The following PRRG1 variants were observed in gnomAD, a reference collection of about 807,000 sequenced individuals.
The protein encoded by PRRG1 is transmembrane gamma-carboxyglutamic acid protein 1.
Under a neutral mutation model 11.8 loss-of-function variants are expected in PRRG1, and 5 were observed. The ratio of observed to expected loss-of-function variants is 0.42; its 90% confidence interval spans 0.22 to 0.89. The LOEUF is 0.89. PRRG1 is among the 40% of genes least tolerant of loss of function. The probability of loss-of-function intolerance (pLI) is 0.28; values close to 1 mark genes in which losing one functional copy is unlikely to be tolerated. For missense variants in PRRG1, 155 were observed against 166.1 expected (o/e 0.93, Z 0.37); for synonymous variants, 66 against 60.4 (o/e 1.09, Z -0.43).
intron 1 of PRRG1, among the ~76,000 whole-genome samples, chrX:37,384,868 T>C (rs1283659850): frequency 9.0e-6 from 1 of 111,585 alleles, no homozygotes; most frequent in Non-Finnish European, 1.9e-5. Flanking sequence ...ACAACCACAT[T>C]GGAAAACTGT....
intron 3 of PRRG1, among the ~76,000 whole-genome samples, chrX:37,432,227 A>G (rs1412485392): frequency 9.1e-6 from 1 of 110,169 alleles, no homozygotes; most frequent in Non-Finnish European, 1.9e-5. Context: ...AGCTGGGACT[A>G]CAGACGCCTG....
chrX:37,365,572 A>G (rs1156385477), intron 1 of PRRG1, among the ~76,000 whole-genome samples: 3 of 112,086 alleles, frequency 2.7e-5, no homozygotes, highest in Non-Finnish European at 5.6e-5. Flanking sequence ...GTCTGTCCAT[A>G]TCTGCATTTA....
chrX:37,429,209 C>T (rs1333774377), intron 3 of PRRG1, among the ~76,000 whole-genome samples: 1 of 112,315 alleles, frequency 8.9e-6, no homozygotes, highest in African/African-American at 3.2e-5. Context: ...GATTAACATT[C>T]GGCTCCTTGT....
intron 1 of PRRG1, among the ~76,000 whole-genome samples, chrX:37,402,866 A>G (rs1281707120): frequency 1.8e-5 from 2 of 112,021 alleles, no homozygotes; most frequent in African/African-American, 3.2e-5. Flanking sequence ...GCAGCCAAAA[A>G]ACACATGAAA....
intron 1 of PRRG1, among the ~76,000 whole-genome samples, chrX:37,405,969 C>T (rs1186975367): frequency 9.0e-6 from 1 of 111,597 alleles, no homozygotes; most frequent in Non-Finnish European, 1.9e-5. Context: ...GAAACTAGTA[C>T]CAGATAAAGA....
chrX:37,448,808 T>G (rs1303554498), intron 3 of PRRG1, among the ~76,000 whole-genome samples: 5 of 111,630 alleles, frequency 4.5e-5, no homozygotes, highest in African/African-American at 1.3e-4. Flanking sequence ...TTAAGATACT[T>G]TTTAAAGAGC....
intron 1 of PRRG1, among the ~76,000 whole-genome samples, chrX:37,390,833 G>C (rs781790903): frequency 8.9e-6 from 1 of 112,104 alleles, no homozygotes; most frequent in Non-Finnish European, 1.9e-5. Flanking sequence ...TTCAGGCATG[G>C]ATAAAAACTG....
intron 3 of PRRG1, among the ~76,000 whole-genome samples, chrX:37,442,545 C>A (rs782583733): frequency 9.0e-6 from 1 of 111,145 alleles, no homozygotes; most frequent in East Asian, 2.8e-4. Flanking sequence ...GGTGCATGTA[C>A]ATGGTACAGT....
intron 1 of PRRG1, among the ~76,000 whole-genome samples, chrX:37,363,633 C>T (rs1250897589): frequency 2.7e-5 from 3 of 112,127 alleles, no homozygotes; most frequent in African/African-American, 9.7e-5. Flanking sequence ...AGCCATTGAT[C>T]CAGTTGTCTA....
At chrX:37,428,237 C>A (rs1365663236) in intron 3 of PRRG1, among the ~76,000 whole-genome samples, 5 of 111,140 alleles carry the variant, frequency 4.5e-5, no homozygotes, top group Non-Finnish European at 1.9e-5. Flanking sequence ...TCATGCCTTC[C>A]CAACAGTCCC....
chrX:37,433,645 T>C (rs1298522344), intron 3 of PRRG1, among the ~76,000 whole-genome samples: 3 of 111,551 alleles, frequency 2.7e-5, no homozygotes, highest in Non-Finnish European at 3.8e-5. Flanking sequence ...TCATCTGTTT[T>C]GTTCATAGCT....
intron 1 of PRRG1, among the ~76,000 whole-genome samples, chrX:37,399,019 A>G (rs1292113393): frequency 1.8e-5 from 2 of 112,341 alleles, no homozygotes; most frequent in Non-Finnish European, 3.8e-5. Context: ...TGTACCTGAA[A>G]GTGACGAGGA....
At chrX:37,437,024 G>A (rs1193231224) in intron 3 of PRRG1, among the ~76,000 whole-genome samples, 1 of 112,209 alleles carries the variant, frequency 8.9e-6, no homozygotes, top group East Asian at 2.8e-4. Context: ...TGTGCAACTG[G>A]TATTCTGAGC....
Position 37,391,975 on chromosome X carries a change from G to A in PRRG1, c.-41-14234G>A, listed in dbSNP as rs190709124. ...TCTCTGTTTCAATGATACTTACACT[G>A]GGCTTCCTTGTTTTTTTTTTTTGAC... On this transcript the variant is annotated intron_variant, in intron 1 of 3. Coordinates refer to ENST00000378628, the MANE Select transcript of PRRG1 (RefSeq NM_001142395.2). Among the ~76,000 whole-genome samples, 446 of 110,267 alleles carry A rather than the reference G, an allele frequency of 4.0e-3. 2 individuals carry two copies. The highest frequency in any genetic ancestry group is 6.4e-3 in the Non-Finnish European group (339 of 52,751).
chrX:37,408,455 C>T (rs1932253559), intron 2 of PRRG1, among the ~76,000 whole-genome samples: 1 of 111,224 alleles, frequency 9.0e-6, no homozygotes, highest in Non-Finnish European at 1.9e-5. Context: ...TTTTAATGTG[C>T]AAATGTATCC....
intron 3 of PRRG1, among the ~76,000 whole-genome samples, chrX:37,448,272 T>G (rs1920995375): frequency 8.9e-6 from 1 of 112,197 alleles, no homozygotes; most frequent in African/African-American, 3.2e-5. Flanking sequence ...TTAAGTACCC[T>G]TTAGAGGTTT....
chrX:37,414,249 A>G (rs924517407), intron 2 of PRRG1, among the ~76,000 whole-genome samples: 10 of 110,859 alleles, frequency 9.0e-5, no homozygotes, highest in Non-Finnish European at 1.9e-4. Context: ...TTGGATAGCA[A>G]TCTTTTACCA....
intron 2 of PRRG1, among the ~76,000 whole-genome samples, chrX:37,422,383 C>T (rs782037171): frequency 8.9e-6 from 1 of 111,831 alleles, no homozygotes; most frequent in South Asian, 3.8e-4. Context: ...GTATTGCGCT[C>T]AGCATAGGTC....
chrX:37,455,896 G>A lies in PRRG1; in HGVS notation c.*2275G>A, dbSNP rs191596628. 2 of 111,772 alleles carry A rather than the reference G, an allele frequency of 1.8e-5. No individual in the cohort carries two copies. Among genetic ancestry groups the A allele is most frequent in the African/African-American group, 6.5e-5 (2 of 30,750 alleles). 9.2% of individuals were successfully genotyped at this position (111,772 alleles called of 1,213,427 possible). A position where few individuals can be genotyped will look rare whatever the true frequency, so the allele number is the denominator to read the frequency against. ...TTAGATTAGACCAGCAGTTTTCAAA[G>A]TATGGCCAATGGACCCCTGGGTTCC... On this transcript the variant is annotated 3_prime_UTR_variant, in exon 4 of 4. Transcript: ENST00000378628.
Sources: allele counts gnomAD v4.1 joint callset (sites outside exome capture counted in the v4.1 genomes callset), GRCh38; gene constraint gnomAD v4.1.1; transcripts MANE v1.5; gene names NCBI Gene and HGNC (gene_info 2026-07-23, HGNC 2026-07-21).